The following CEMIP2 variants were observed in gnomAD, a reference collection of about 807,000 sequenced individuals.
CEMIP2 encodes the protein cell migration inducing hyaluronidase 2.
A neutral mutation model predicts 146.9 loss-of-function variants in CEMIP2; 79 were observed. The ratio of observed to expected loss-of-function variants is 0.54; its 90% CI spans 0.45 to 0.65. CEMIP2 has a LOEUF of 0.65. Ranked by LOEUF, CEMIP2 falls within the 30% of genes least tolerant of loss-of-function variation. CEMIP2 has a pLI of 0.00. For missense variants in CEMIP2, 1,596 were observed against 1,696.2 expected (o/e 0.94, Z 1.04); for synonymous variants, 601 against 606.3 (o/e 0.99, Z 0.13).
At chr9:71,760,956 C>G (rs1236553489) in intron 1 of CEMIP2, among the ~76,000 whole-genome samples, 1 of 152,184 alleles carries the variant, frequency 6.6e-6, no homozygotes, top group East Asian at 1.9e-4. Flanking sequence ...TATTGAAAAG[C>G]TGTTCTCTTT....
rs764709003 is a variant in CEMIP2, at chr9:71,698,209, A to T, written c.3378-5T>A. On this transcript the variant is annotated splice_polypyrimidine_tract_variant and splice_region_variant and intron_variant, in intron 19 of 23. Coordinates refer to ENST00000377044, the MANE Select transcript of CEMIP2 (RefSeq NM_013390.3). ...TTGAGATACAAAAACAGTAACCTGC[A>T]CAAAACAGAAACCAATCCATGTAGT... The T allele has an allele frequency of 1.2e-5, 19 of 1,613,472 alleles. No homozygotes were observed. In the South Asian group the frequency reaches 1.8e-4, roughly 15 times the overall value.
intron 10 of CEMIP2, among the ~76,000 whole-genome samples, chr9:71,726,971 G>T (rs1211617553): frequency 6.6e-6 from 1 of 152,132 alleles, no homozygotes; most frequent in African/African-American, 2.4e-5. Flanking sequence ...AAACACAGTG[G>T]TGTCAACACA....
chr9:71,690,273 GTCA>G, intron 21 of CEMIP2, 27 bp from the exon 22 acceptor site: 1 of 1,606,082 alleles, frequency 6.2e-7, no homozygotes, highest in Non-Finnish European at 8.5e-7. Flanking sequence ...ATCTTCTGCT[GTCA>G]TCATCATTTT....
intron 4 of CEMIP2, among the ~76,000 whole-genome samples, chr9:71,743,878 C>T (rs62549286): frequency 0.066 from 10,095 of 152,226 alleles, 481 homozygotes; most frequent in South Asian, 0.19. Context: ...ATTCCAACAA[C>T]CTACTATCAA....
intron 21 of CEMIP2, among the ~76,000 whole-genome samples, chr9:71,691,040 A>T (rs72737955): frequency 6.6e-6 from 1 of 152,360 alleles, no homozygotes; most frequent in Non-Finnish European, 1.5e-5. Context: ...CTAACAAAGG[A>T]GAAATGTTCT....
chr9:71,738,666 C>T (rs556811659), intron 5 of CEMIP2, among the ~76,000 whole-genome samples: 59 of 151,496 alleles, frequency 3.9e-4, no homozygotes, highest in African/African-American at 1.4e-3. Flanking sequence ...GGTGAAACCC[C>T]ATCTCTACTA....
rs200768045 is a variant in CEMIP2 at position 71,704,511 on chromosome 9, C to T, written c.3194+84G>A. 25 of 1,486,398 alleles carry T rather than the reference C, an allele frequency of 1.7e-5. No homozygotes were observed. In the Admixed American group the frequency reaches 4.1e-4, roughly 25 times the overall value. The allele number at this position is 1,486,398 out of a possible 1,614,324, so 92.1% of individuals were successfully genotyped here. ...ATGTAAAATTGGCTTTCTTTGCTTGCTGCAAAGGAGACATAAGTTATTCTT... is the reference window on the plus strand; with the variant it reads ...ATGTAAAATTGGCTTTCTTTGCTTGTTGCAAAGGAGACATAAGTTATTCTT... On this transcript the variant is annotated intron_variant, in intron 18 of 23. Transcript: ENST00000377044.
chr9:71,721,199 A>G (rs1426557611), intron 12 of CEMIP2, among the ~76,000 whole-genome samples: 4 of 152,130 alleles, frequency 2.6e-5, no homozygotes, highest in Admixed American at 1.3e-4. Flanking sequence ...CAATTATAAT[A>G]AATTATATTA....
intron 18 of CEMIP2, among the ~76,000 whole-genome samples, chr9:71,703,030 C>A (rs1299913077): frequency 1.3e-5 from 2 of 152,174 alleles, no homozygotes; most frequent in African/African-American, 4.8e-5. Context: ...CTTTCATTGA[C>A]TTCTCTGCAA....
chr9:71,766,779 T>C (rs1564032543), intron 1 of CEMIP2, among the ~76,000 whole-genome samples: 1 of 152,220 alleles, frequency 6.6e-6, no homozygotes, highest in Non-Finnish European at 1.5e-5. Context: ...GAACAGGTGA[T>C]GACTCAGAAT....
chr9:71,692,143 C>T (rs1822247509), intron 21 of CEMIP2, among the ~76,000 whole-genome samples: 1 of 151,208 alleles, frequency 6.6e-6, no homozygotes, highest in Admixed American at 6.6e-5. Flanking sequence ...AACCAAAAAC[C>T]CCTAATGCAA....
intron 1 of CEMIP2, among the ~76,000 whole-genome samples, chr9:71,756,719 T>G (rs73647011): frequency 0.016 from 2,430 of 152,236 alleles, 65 homozygotes; most frequent in African/African-American, 0.054. Context: ...TAAAATGCAA[T>G]TCTAGTATGA....
intron 17 of CEMIP2, among the ~76,000 whole-genome samples, chr9:71,709,057 T>C (rs117873562): frequency 0.013 from 2,011 of 152,194 alleles, 31 homozygotes; most frequent in Middle Eastern, 0.024. Flanking sequence ...AGATCTGGAG[T>C]TGGGGAGTTT....
Position 71,716,557 on chromosome 9 carries a change from A to C in CEMIP2, c.2400-5T>G, listed in dbSNP as rs777435573. 1 of 1,591,506 alleles carries C rather than the reference A, an allele frequency of 6.3e-7. No individual in the cohort carries two copies. The highest frequency in any genetic ancestry group is 1.8e-5 in the Admixed American group (1 of 55,522). On this transcript the variant is annotated splice_polypyrimidine_tract_variant and splice_region_variant and intron_variant, in intron 13 of 23. Coordinates refer to ENST00000377044, the MANE Select transcript of CEMIP2 (RefSeq NM_013390.3). ...CCTATTCCATTATCTGCAAATCTGTAAAAGAAGAGAGAATGAAGAACATTT... is the reference window on the plus strand; with the variant it reads ...CCTATTCCATTATCTGCAAATCTGTCAAAGAAGAGAGAATGAAGAACATTT...
At chr9:71,759,952 C>A (rs62544886) in intron 1 of CEMIP2, among the ~76,000 whole-genome samples, 1 of 149,292 alleles carries the variant, frequency 6.7e-6, no homozygotes, top group African/African-American at 2.5e-5. Flanking sequence ...CCATATATTG[C>A]GGTGAAGTAT....
intron 21 of CEMIP2, among the ~76,000 whole-genome samples, chr9:71,690,804 G>A (rs1252472886): frequency 6.6e-6 from 1 of 152,154 alleles, no homozygotes; most frequent in African/African-American, 2.4e-5. Context: ...AAGCTACAAA[G>A]TACTACTACA....
intron 18 of CEMIP2, among the ~76,000 whole-genome samples, chr9:71,702,768 T>C (rs1018855476): frequency 1.3e-5 from 2 of 152,222 alleles, no homozygotes; most frequent in African/African-American, 4.8e-5. Context: ...AACTTTCAGC[T>C]AATTAAACAA....
At chr9:71,757,103 A>G (rs1824482539) in intron 1 of CEMIP2, among the ~76,000 whole-genome samples, 2 of 152,214 alleles carry the variant, frequency 1.3e-5, no homozygotes, top group Admixed American at 6.5e-5. Context: ...CCCCTAGGCT[A>G]TATCATCAGT....
intron 2 of CEMIP2, 59 bp from the exon 3 acceptor site, chr9:71,746,400 T>C: frequency 1.3e-6 from 2 of 1,590,988 alleles, no homozygotes; most frequent in South Asian, 1.1e-5. Flanking sequence ...TATAGCCGAA[T>C]CTAAGCACTA....
Sources: gnomAD v4.1 joint callset for allele counts (sites outside exome capture counted in the v4.1 genomes callset) on GRCh38, gnomAD v4.1.1 for gene constraint, MANE v1.5 for transcripts, NCBI Gene and HGNC (gene_info 2026-07-23, HGNC 2026-07-21) for gene names.